The following CHD9 variants were observed in gnomAD, a reference collection of about 807,000 sequenced individuals.
CHD9 encodes the protein ATP-dependent chromatin remodeler CHD9.
A neutral mutation model predicts 316.1 loss-of-function variants in CHD9; 77 were observed. That is an observed-to-expected ratio of 0.24 (90% CI 0.20 to 0.29). CHD9 has a LOEUF of 0.29. Among genes scored for constraint, CHD9 ranks in the 10% least tolerant of loss-of-function variants. The probability of loss-of-function intolerance (pLI) is 1.00; values close to 1 mark genes in which losing one functional copy is unlikely to be tolerated. For synonymous variants in CHD9, 1,129 were observed against 1,158.3 expected (o/e 0.97, Z 0.51); for missense variants, 2,763 against 3,438.1 (o/e 0.80, Z 4.91).
chr16:53,087,522 G>C (rs2035564370), intron 1 of CHD9, among the ~76,000 whole-genome samples: 1 of 152,178 alleles, frequency 6.6e-6, no homozygotes, highest in Non-Finnish European at 1.5e-5. Flanking sequence ...ATATCACATA[G>C]CTTCTCTGTG....
At chr16:53,225,593 A>C (rs560177649) in intron 4 of CHD9, among the ~76,000 whole-genome samples, 2 of 152,248 alleles carry the variant, frequency 1.3e-5, no homozygotes, top group African/African-American at 4.8e-5. Context: ...TACTTAGATT[A>C]TTTAAAAATT....
At chr16:53,074,262 A>G (rs1184755019) in intron 1 of CHD9, among the ~76,000 whole-genome samples, 1 of 152,242 alleles carries the variant, frequency 6.6e-6, no homozygotes, top group Non-Finnish European at 1.5e-5. Context: ...AAAGCATTCA[A>G]GAGTTGACTT....
Position 53,216,210 on chromosome 16 carries a change from T to C in CHD9, c.1784+6397T>C, listed in dbSNP as rs145681199. Reference sequence around the variant, plus strand: ...TAGAATTAATATAGTAAACTCTTTGTAATCCATGATGGAAGAATGGAGTGT... The same window carrying C: ...TAGAATTAATATAGTAAACTCTTTGCAATCCATGATGGAAGAATGGAGTGT... On this transcript the variant is annotated intron_variant, in intron 3 of 38. Coordinates refer to ENST00000447540, the MANE Select transcript of CHD9 (RefSeq NM_001308319.2). Among the ~76,000 whole-genome samples the C allele has an allele frequency of 5.6e-4, 85 of 152,302 alleles. No homozygotes were observed. The East Asian group carries it at 0.013, about 23-fold the overall frequency.
intron 32 of CHD9, among the ~76,000 whole-genome samples, chr16:53,306,978 C>G (rs2056040754): frequency 6.6e-6 from 1 of 152,068 alleles, no homozygotes. Flanking sequence ...CAGGGTTTCA[C>G]CATGTCGGCC....
chr16:53,118,248 C>A (rs1191866608), intron 1 of CHD9, among the ~76,000 whole-genome samples: 2 of 152,110 alleles, frequency 1.3e-5, no homozygotes, highest in African/African-American at 2.4e-5. Flanking sequence ...AAAACCCTGT[C>A]TCTACCAAAA....
chr16:53,301,813 T>C (rs1462938531), intron 30 of CHD9, among the ~76,000 whole-genome samples: 1 of 149,722 alleles, frequency 6.7e-6, no homozygotes, highest in Admixed American at 6.7e-5. Flanking sequence ...TCGCCCAGGC[T>C]GGTATGCAGT....
chr16:53,118,666 A>G (rs2038499700), intron 1 of CHD9, among the ~76,000 whole-genome samples: 1 of 152,172 alleles, frequency 6.6e-6, no homozygotes, highest in Non-Finnish European at 1.5e-5. Flanking sequence ...AACTATAATT[A>G]ATACGCATCC....
intron 1 of CHD9, among the ~76,000 whole-genome samples, chr16:53,061,736 C>T (rs1465157206): frequency 6.6e-6 from 1 of 152,178 alleles, no homozygotes; most frequent in East Asian, 1.9e-4. Context: ...GCTGTGCACA[C>T]CCTGAAGCCA....
At chr16:53,152,215 G>A (rs2041179439) in intron 1 of CHD9, among the ~76,000 whole-genome samples, 1 of 152,154 alleles carries the variant, frequency 6.6e-6, no homozygotes, top group Admixed American at 6.5e-5. Context: ...ACTGAAGCCT[G>A]TATTACTTAG....
intron 2 of CHD9, among the ~76,000 whole-genome samples, chr16:53,185,099 G>T (rs2043868913): frequency 6.6e-6 from 1 of 152,184 alleles, no homozygotes; most frequent in Non-Finnish European, 1.5e-5. Flanking sequence ...AGAGAGTGGG[G>T]CACTGCTGTA....
chr16:53,084,612 A>G (rs982102556), intron 1 of CHD9, among the ~76,000 whole-genome samples: 1 of 152,102 alleles, frequency 6.6e-6, no homozygotes, highest in Non-Finnish European at 1.5e-5. Flanking sequence ...GCGTGGTGGT[A>G]GGCGCCTGTA....
intron 19 of CHD9, among the ~76,000 whole-genome samples, chr16:53,260,766 CG>C (rs1567578403): frequency 6.6e-6 from 1 of 152,068 alleles, no homozygotes; most frequent in Non-Finnish European, 1.5e-5. Context: ...CCTTGGCTTG[CG>C]GCCACAGTAC....
chr16:53,160,632 C>T (rs910026369), intron 2 of CHD9, among the ~76,000 whole-genome samples: 6 of 152,064 alleles, frequency 3.9e-5, no homozygotes, highest in African/African-American at 9.7e-5. Context: ...CTCGGCCAGG[C>T]GCAGTGGCTC....
chr16:53,304,616 CA>C lies in CHD9; in HGVS notation c.6615del (p.Lys2205AsnfsTer8). ...AAGTGACAGTGATGAAGAAGAAGCCCAAAAACGAGGTACTATGCATAAAATA... is the reference window on the plus strand; with the variant it reads ...AAGTGACAGTGATGAAGAAGAAGCCCAAAACGAGGTACTATGCATAAAATA... Reference protein sequence around the residue: ...EESDSDEEEAQKRESTTHMKA... With the variant: ...EESDSDEEEAXKRESTTHMKA... On this transcript the variant is annotated frameshift_variant, in exon 31 of 39. Coordinates refer to ENST00000447540, the MANE Select transcript of CHD9 (RefSeq NM_001308319.2). LOFTEE classifies it high-confidence loss of function. The C allele has an allele frequency of 1.3e-6, 2 of 1,544,182 alleles. No individual in the cohort carries two copies. Among genetic ancestry groups the C allele is most frequent in the Non-Finnish European group, 8.7e-7 (1 of 1,143,638 alleles).
chr16:53,092,422 C>G (rs1213650718), intron 1 of CHD9, among the ~76,000 whole-genome samples: 1 of 152,232 alleles, frequency 6.6e-6, no homozygotes, highest in South Asian at 2.1e-4. Flanking sequence ...ACTGCTACCT[C>G]TCTCGGAGAC....
intron 1 of CHD9, among the ~76,000 whole-genome samples, chr16:53,069,046 C>G (rs1250848600): frequency 6.6e-6 from 1 of 151,698 alleles, no homozygotes; most frequent in Non-Finnish European, 1.5e-5. Flanking sequence ...GCTCTACTGC[C>G]CAGGCTGTAC....
intron 2 of CHD9, among the ~76,000 whole-genome samples, chr16:53,204,087 ATT>A (rs2045699232): frequency 7.0e-6 from 1 of 143,458 alleles, no homozygotes; most frequent in Admixed American, 6.9e-5. Flanking sequence ...ACACACACAC[ATT>A]TATGTCAAGT....
intron 1 of CHD9, among the ~76,000 whole-genome samples, chr16:53,096,401 C>G (rs1053381254): frequency 2.6e-5 from 4 of 152,012 alleles, no homozygotes; most frequent in African/African-American, 9.7e-5. Flanking sequence ...CGATTTTTGC[C>G]ATAACATTTA....
chr16:53,167,611 A>G (rs1423447172), intron 2 of CHD9, among the ~76,000 whole-genome samples: 1 of 149,632 alleles, frequency 6.7e-6, no homozygotes, highest in African/African-American at 2.5e-5. Context: ...CTAAGTTTCT[A>G]GCTTAGCTCT....
Sources: allele counts gnomAD v4.1 joint callset (sites outside exome capture counted in the v4.1 genomes callset), GRCh38; gene constraint gnomAD v4.1.1; transcripts MANE v1.5; gene names NCBI Gene and HGNC (gene_info 2026-07-23, HGNC 2026-07-21).